Variants in IL1RAPL2 observed in about 807,000 individuals in gnomAD.
IL1RAPL2 encodes the protein interleukin 1 receptor accessory protein like 2.
A neutral mutation model predicts 44.1 loss-of-function variants in IL1RAPL2; 3 were observed. The observed-to-expected ratio is 0.07, with a 90% CI of 0.03 to 0.18. The LOEUF (loss-of-function observed/expected upper bound fraction) is 0.18. Among genes scored for constraint, IL1RAPL2 ranks in the 10% least tolerant of loss-of-function variants. The probability of loss-of-function intolerance (pLI) is 1.00; values close to 1 mark genes in which losing one functional copy is unlikely to be tolerated. For missense variants in IL1RAPL2, 391 were observed against 496.4 expected, an observed-to-expected ratio of 0.79 and a Z score of 2.02; for synonymous variants, 181 against 178.8, an observed-to-expected ratio of 1.01 and a Z score of -0.10.
At chrX:105,559,224 G>C (rs1029535889) in intron 6 of IL1RAPL2, among the ~76,000 whole-genome samples, 18 of 111,831 alleles carry the variant, frequency 1.6e-4, no homozygotes, top group African/African-American at 4.6e-4. Flanking sequence ...TTTCCACTAG[G>C]ATAGCCACAA....
intron 5 of IL1RAPL2, among the ~76,000 whole-genome samples, chrX:105,463,242 T>G (rs1226884257): frequency 9.0e-6 from 1 of 110,698 alleles, no homozygotes; most frequent in Non-Finnish European, 1.9e-5. Flanking sequence ...ATTGAGCCCT[T>G]AGTATGCCAT....
intron 2 of IL1RAPL2, among the ~76,000 whole-genome samples, chrX:104,700,434 G>T (rs1931255836): frequency 9.0e-6 from 1 of 111,492 alleles, no homozygotes; most frequent in South Asian, 3.8e-4. Context: ...TCTTACTCTT[G>T]TATTTTCTCC....
intron 1 of IL1RAPL2, among the ~76,000 whole-genome samples, chrX:104,577,137 G>A (rs1322966634): frequency 8.9e-6 from 1 of 111,853 alleles, no homozygotes; most frequent in Non-Finnish European, 1.9e-5. Flanking sequence ...ATTCCCTAGT[G>A]TTTTGTTCAA....
At chrX:105,633,001 A>C (rs2037501216) in intron 6 of IL1RAPL2, among the ~76,000 whole-genome samples, 1 of 111,803 alleles carries the variant, frequency 8.9e-6, no homozygotes, top group African/African-American at 3.3e-5. Context: ...TACACCGTCA[A>C]CACATTAATT....
chrX:105,244,844 TAGA>T (rs1479577310), intron 4 of IL1RAPL2, among the ~76,000 whole-genome samples: 3 of 112,362 alleles, frequency 2.7e-5, no homozygotes, highest in Non-Finnish European at 5.6e-5. Flanking sequence ...AGCCGTGTGT[TAGA>T]AGAAGATTTA....
chrX:105,419,623 C>A (rs1053649598), intron 5 of IL1RAPL2, among the ~76,000 whole-genome samples: 7 of 111,950 alleles, frequency 6.3e-5, no homozygotes, highest in Admixed American at 1.9e-4. Context: ...GAAAAAACTT[C>A]TATATTTATT....
chrX:104,903,052 A>G (rs1408756291), intron 2 of IL1RAPL2, among the ~76,000 whole-genome samples: 1 of 111,630 alleles, frequency 9.0e-6, no homozygotes, highest in Non-Finnish European at 1.9e-5. Context: ...TTATTGTCCT[A>G]TTAGAACTGT....
At chrX:104,617,033 A>G (rs1395484891) in intron 1 of IL1RAPL2, among the ~76,000 whole-genome samples, 1 of 112,149 alleles carries the variant, frequency 8.9e-6, no homozygotes, top group Non-Finnish European at 1.9e-5. Flanking sequence ...GCCTATGCCA[A>G]TGTCCTGAAT....
intron 2 of IL1RAPL2, among the ~76,000 whole-genome samples, chrX:104,774,551 C>G (rs1176765638): frequency 9.0e-6 from 1 of 111,494 alleles, no homozygotes; most frequent in East Asian, 2.8e-4. Context: ...TTTAGCTTCT[C>G]CCTAGAATCC....
chrX:105,194,445 A>G (rs73636203), intron 2 of IL1RAPL2, among the ~76,000 whole-genome samples: 6,795 of 112,229 alleles, frequency 0.061, 510 homozygotes, highest in African/African-American at 0.21. Flanking sequence ...TAAGCAAATT[A>G]GAAATAAAAT....
intron 2 of IL1RAPL2, among the ~76,000 whole-genome samples, chrX:104,920,980 G>A (rs1351613772): frequency 9.0e-6 from 1 of 110,914 alleles, no homozygotes; most frequent in Non-Finnish European, 1.9e-5. Context: ...TGCCTGCTTG[G>A]TATTGTGAGA....
At chrX:104,794,846 A>C (rs1717661811) in intron 2 of IL1RAPL2, among the ~76,000 whole-genome samples, 1 of 111,947 alleles carries the variant, frequency 8.9e-6, no homozygotes, top group Non-Finnish European at 1.9e-5. Flanking sequence ...AAGGGACTTG[A>C]AGTGAGATGC....
chrX:104,907,039 A>G (rs1453348456), intron 2 of IL1RAPL2, among the ~76,000 whole-genome samples: 2 of 110,644 alleles, frequency 1.8e-5, no homozygotes, highest in African/African-American at 3.3e-5. Flanking sequence ...GGGAGAGTGT[A>G]TGTGTTGAGG....
At chrX:105,544,092 TCAA>T (rs2036768322) in intron 6 of IL1RAPL2, among the ~76,000 whole-genome samples, 1 of 112,058 alleles carries the variant, frequency 8.9e-6, no homozygotes, top group African/African-American at 3.2e-5. Flanking sequence ...TTAATTTCTC[TCAA>T]CAACATTTTG....
chrX:105,125,937 T>C (rs964018188), intron 2 of IL1RAPL2, among the ~76,000 whole-genome samples: 3 of 111,260 alleles, frequency 2.7e-5, no homozygotes, highest in African/African-American at 9.8e-5. Context: ...TTCTCTCAAG[T>C]ATGTTAAAAA....
At chrX:105,182,580 A>G (rs956118212) in intron 2 of IL1RAPL2, among the ~76,000 whole-genome samples, 5 of 111,409 alleles carry the variant, frequency 4.5e-5, no homozygotes, top group Non-Finnish European at 9.4e-5. Context: ...TTTTTTATAC[A>G]TTCAACCAGT....
chrX:105,621,656 G>C lies in IL1RAPL2; in HGVS notation c.773-95711G>C, dbSNP rs148701166. On this transcript the variant is annotated intron_variant, in intron 6 of 10. Transcript: ENST00000372582. ...AAAGTCTAAAGCTTTTCACAAGGCA[G>C]GCATGTGTTAGTCAAAAGGGAAGGG... is the stretch of plus-strand genomic sequence containing the variant. Among the ~76,000 whole-genome samples the C allele has an allele frequency of 1.5e-3, 172 of 111,346 alleles. 4 individuals are homozygous for C. In the East Asian group the frequency reaches 0.046, roughly 30 times the overall value.
intron 2 of IL1RAPL2, among the ~76,000 whole-genome samples, chrX:104,669,089 T>A (rs1019596348): frequency 1.8e-5 from 2 of 111,605 alleles, no homozygotes; most frequent in Non-Finnish European, 3.8e-5. Flanking sequence ...CCTTTGGCAC[T>A]CCCCCTGGCT....
At chrX:105,174,014 T>C (rs1009665374) in intron 2 of IL1RAPL2, among the ~76,000 whole-genome samples, 2 of 111,162 alleles carry the variant, frequency 1.8e-5, no homozygotes, top group Admixed American at 1.9e-4. Flanking sequence ...ATTACAGGCG[T>C]AAGTCACTGC....
Sources: gnomAD v4.1 joint callset for allele counts (sites outside exome capture counted in the v4.1 genomes callset) on GRCh38, gnomAD v4.1.1 for gene constraint, MANE v1.5 for transcripts, NCBI Gene and HGNC (gene_info 2026-07-23, HGNC 2026-07-21) for gene names.